KCNQ1: variants seen among roughly 807,000 people sequenced by gnomAD.
KCNQ1 encodes potassium voltage-gated channel subfamily KQT member 1.
A neutral mutation model predicts 72.4 loss-of-function variants in KCNQ1; 49 were observed. The ratio of observed to expected loss-of-function variants is 0.68; its 90% confidence interval spans 0.54 to 0.86. The LOEUF (loss-of-function observed/expected upper bound fraction) is 0.86, where lower values mean the gene tolerates loss of function less well. Ranked by LOEUF, KCNQ1 falls within the 40% of genes least tolerant of loss-of-function variation. The probability of loss-of-function intolerance (pLI) is 0.00; values close to 1 mark genes in which losing one functional copy is unlikely to be tolerated. For synonymous variants in KCNQ1, 450 were observed against 412.6 expected (o/e 1.09, Z -1.10); for missense variants, 790 against 945.1 (o/e 0.84, Z 2.15).
chr11:2,588,651 C>T lies in KCNQ1; in HGVS notation c.1252-62C>T. The T allele has an allele frequency of 4.4e-6, 7 of 1,604,346 alleles. No homozygotes were observed. In the South Asian group the frequency reaches 6.6e-5, roughly 15 times the overall value. On this transcript the variant is annotated intron_variant, in intron 9 of 15. Coordinates refer to ENST00000155840, the MANE Select transcript of KCNQ1 (RefSeq NM_000218.3). This position sits in a 1 kb window ranked among gnomAD's most constrained non-coding sequence, Gnocchi z 5.6. The stretch of plus-strand genomic sequence containing the variant: ...GGGCGGCTGCACAGGCACTCTGGGG[C>T]CGGCGTAGGGCCTGGCAGACGATGT...
intron 1 of KCNQ1, among the ~76,000 whole-genome samples, chr11:2,452,169 G>C (rs1190113553): frequency 6.6e-6 from 1 of 152,180 alleles, no homozygotes; most frequent in Admixed American, 6.5e-5. Flanking sequence ...TTTCTCTGCT[G>C]CCTTCCAAAA....
intron 11 of KCNQ1, among the ~76,000 whole-genome samples, chr11:2,700,965 C>T (rs551279007): frequency 1.5e-4 from 23 of 152,350 alleles, no homozygotes; most frequent in East Asian, 9.7e-4. Flanking sequence ...GGCTGGGGGC[C>T]GTTTGGCCCT....
At chr11:2,737,779 G>A (rs933175397) in intron 11 of KCNQ1, among the ~76,000 whole-genome samples, 1 of 152,194 alleles carries the variant, frequency 6.6e-6, no homozygotes, top group Non-Finnish European at 1.5e-5. Flanking sequence ...GGAGAGTGGG[G>A]CTGCAGCAGG....
At chr11:2,732,143 T>C (rs1280226786) in intron 11 of KCNQ1, among the ~76,000 whole-genome samples, 1 of 152,216 alleles carries the variant, frequency 6.6e-6, no homozygotes, top group African/African-American at 2.4e-5. Flanking sequence ...CTCCATTTGC[T>C]CTGAAGCGGG....
chr11:2,779,850 G>C (rs1846788971), intron 15 of KCNQ1, among the ~76,000 whole-genome samples: 1 of 152,224 alleles, frequency 6.6e-6, no homozygotes, highest in Non-Finnish European at 1.5e-5. Context: ...GCCAGCGCTG[G>C]CCTTGAAGGC....
At chr11:2,790,919 A>C (rs1847008996) in intron 15 of KCNQ1, among the ~76,000 whole-genome samples, 1 of 152,126 alleles carries the variant, frequency 6.6e-6, no homozygotes, top group African/African-American at 2.4e-5. Flanking sequence ...CCAGCTATCC[A>C]GCGGCTTCCT....
intron 2 of KCNQ1, among the ~76,000 whole-genome samples, chr11:2,548,385 C>A (rs547683433): frequency 6.6e-6 from 1 of 152,176 alleles, no homozygotes; most frequent in East Asian, 1.9e-4. Flanking sequence ...AATATCCATG[C>A]GTATAATCGG....
At chr11:2,792,999 C>T (rs1257494950) in intron 15 of KCNQ1, among the ~76,000 whole-genome samples, 1 of 151,100 alleles carries the variant, frequency 6.6e-6, no homozygotes, top group Non-Finnish European at 1.5e-5. Context: ...TCTGTGTGGG[C>T]GGCAAGGTGG....
In KCNQ1 at chr11:2,679,669, G is replaced by GC. The variant is rs1438633541; in HGVS notation, c.1514+17589dup. The GC allele has an allele frequency of 2.5e-6, 1 of 398,550 alleles. No homozygotes were observed. Among genetic ancestry groups the GC allele is most frequent in the Non-Finnish European group, 4.4e-6 (1 of 226,052 alleles). The allele number at this position is 398,550 out of a possible 1,614,324, so 24.7% of individuals were successfully genotyped here. On this transcript the variant is annotated intron_variant, in intron 11 of 15. Coordinates refer to ENST00000155840, the MANE Select transcript of KCNQ1 (RefSeq NM_000218.3). This position sits in a 1 kb window ranked among gnomAD's most constrained non-coding sequence, Gnocchi z 4.8. ...GCATCCTCATAAGATTATTTAGGAT[G>GC]CATAGGATCCCAGATTAGATTTTTT...
At position 2,612,528 on chromosome 11, in the gene KCNQ1, C is replaced by T. The variant is rs1224531023; in HGVS notation, c.1393+23674C>T. On this transcript the variant is annotated intron_variant, in intron 10 of 15. Transcript: ENST00000155840. This position sits in a 1 kb window ranked among gnomAD's most constrained non-coding sequence, Gnocchi z 5.5. ...CTTCTGCCAGGTCAAATTTGCTTAG[C>T]CGCACTAGTGAGTTTTTCACCTAAG... 3 of 398,488 alleles carry T rather than the reference C, an allele frequency of 7.5e-6. No homozygotes were observed. The highest frequency in any genetic ancestry group is 6.2e-5 in the African/African-American group (3 of 48,626). The allele number at this position is 398,488 out of a possible 1,614,324, so 24.7% of individuals were successfully genotyped here.
intron 2 of KCNQ1, among the ~76,000 whole-genome samples, chr11:2,568,188 G>A (rs1848273668): frequency 6.6e-6 from 1 of 152,174 alleles, no homozygotes; most frequent in South Asian, 2.1e-4. Flanking sequence ...CAGGAGAATT[G>A]CTTGAACCTG....
intron 15 of KCNQ1, among the ~76,000 whole-genome samples, chr11:2,801,278 C>T: frequency 6.6e-6 from 1 of 152,232 alleles, no homozygotes; most frequent in East Asian, 1.9e-4. Context: ...GGTGCCGGAC[C>T]CTGCCCTGTG....
intron 2 of KCNQ1, among the ~76,000 whole-genome samples, chr11:2,533,643 CGT>C (rs1432121880): frequency 6.6e-6 from 1 of 152,228 alleles, no homozygotes; most frequent in East Asian, 1.9e-4. Context: ...GTGTGTCTGA[CGT>C]GTGTGTGCTT....
chr11:2,848,714 C>T lies in KCNQ1; in HGVS notation c.*711C>T, dbSNP rs755082727. The T allele has an allele frequency of 3.1e-5, 14 of 451,874 alleles. No homozygotes were observed. The highest frequency in any genetic ancestry group is 1.6e-4 in the South Asian group (10 of 64,432). The allele number at this position is 451,874 out of a possible 1,614,324, so 28.0% of individuals were successfully genotyped here. ...TAGCTGGAGAGGAGCCCTGCCTCTC[C>T]GCCCCTGAGCCCACTGTGCGTGGGG... On this transcript the variant is annotated 3_prime_UTR_variant, in exon 16 of 16. Coordinates refer to ENST00000155840, the MANE Select transcript of KCNQ1 (RefSeq NM_000218.3).
Position 2,682,823 on chromosome 11 carries a change from G to A in KCNQ1, c.1514+20742G>A. On this transcript the variant is annotated intron_variant, in intron 11 of 15. Coordinates refer to ENST00000155840, the MANE Select transcript of KCNQ1 (RefSeq NM_000218.3). This position sits in a 1 kb window ranked among gnomAD's most constrained non-coding sequence, Gnocchi z 5.8. ...AGTGACTTGCAGTGATCCTCCTGGG[G>A]CCTTGTATAGAAGAGACCATCTCAG... 1 of 398,590 alleles carries A rather than the reference G, an allele frequency of 2.5e-6. No individual in the cohort carries two copies. 24.7% of individuals were successfully genotyped at this position (398,590 alleles called of 1,614,324 possible).
In KCNQ1 at chr11:2,750,405, CT is replaced by C. The variant is rs1456266340; in HGVS notation, c.1515-18438del. Among the ~76,000 whole-genome samples the C allele has an allele frequency of 6.6e-6, 1 of 152,114 alleles. No homozygotes were observed. Among genetic ancestry groups the C allele is most frequent in the Non-Finnish European group, 1.5e-5 (1 of 68,020 alleles). On this transcript the variant is annotated intron_variant, in intron 11 of 15. Transcript: ENST00000155840. This position sits in a 1 kb window ranked among gnomAD's most constrained non-coding sequence, Gnocchi z 6.3. Reference sequence around the variant, plus strand: ...AACTGCTGGGCCTTCCTTAGGGGCCCTGGGGAGCCTTCCCAGCAGAATGTCC... The same window carrying C: ...AACTGCTGGGCCTTCCTTAGGGGCCCGGGGAGCCTTCCCAGCAGAATGTCC...
At chr11:2,718,143 C>T (rs556335076) in intron 11 of KCNQ1, among the ~76,000 whole-genome samples, 1 of 152,210 alleles carries the variant, frequency 6.6e-6, no homozygotes, top group Non-Finnish European at 1.5e-5. Context: ...GCCCTCCCTG[C>T]CCTCGGGGGA....
chr11:2,653,982 A>T lies in KCNQ1; in HGVS notation c.1394-7979A>T, dbSNP rs1351593613. The T allele has an allele frequency of 5.0e-6, 2 of 398,590 alleles. No homozygotes were observed. Among genetic ancestry groups the T allele is most frequent in the East Asian group, 7.1e-5 (2 of 28,088 alleles). The allele number at this position is 398,590 out of a possible 1,614,324, so 24.7% of individuals were successfully genotyped here. ...GTCCACTCAAGCAAGGTATTTTCCT[A>T]AGCGGAACTGGGTGCCAGCTGTGAA... On this transcript the variant is annotated intron_variant, in intron 10 of 15. Transcript: ENST00000155840. This position sits in a 1 kb window ranked among gnomAD's most constrained non-coding sequence, Gnocchi z 5.3.
rs946487592 is a variant in KCNQ1, at chr11:2,516,888, C to G, written c.387-11040C>G. Among the ~76,000 whole-genome samples the G allele has an allele frequency of 3.3e-5, 5 of 152,110 alleles. No homozygotes were observed. Among genetic ancestry groups the G allele is most frequent in the African/African-American group, 1.2e-4 (5 of 41,432 alleles). ...ATCTCTCCCCCACCTTGCCACGACCCCCCAGAGTTTGCCTGGTGTCACCGG... is the reference window on the plus strand; with the variant it reads ...ATCTCTCCCCCACCTTGCCACGACCGCCCAGAGTTTGCCTGGTGTCACCGG... On this transcript the variant is annotated intron_variant, in intron 1 of 15. Transcript: ENST00000155840. The surrounding 1 kb of genome is among the most constrained non-coding windows in gnomAD (Gnocchi z 7.0).
Sources: allele counts gnomAD v4.1 joint callset (sites outside exome capture counted in the v4.1 genomes callset), GRCh38; gene constraint gnomAD v4.1.1; non-coding constraint Gnocchi (gnomAD v3.1); transcripts MANE v1.5; gene names NCBI Gene and HGNC (gene_info 2026-07-23, HGNC 2026-07-21).